Variants in HHAT observed in about 807,000 individuals in gnomAD.
The protein encoded by HHAT is hedgehog acyltransferase, also known as protein-cysteine N-palmitoyltransferase HHAT.
HHAT carries 47 observed loss-of-function variants against 70.8 expected under a neutral mutation model. The observed-to-expected ratio is 0.66, with a 90% CI of 0.53 to 0.85. HHAT has a LOEUF of 0.85. Ranked by LOEUF, HHAT falls within the 40% of genes least tolerant of loss-of-function variation. The pLI is 0.00. For missense variants in HHAT, 609 were observed against 604.8 expected (o/e 1.01, Z -0.07); for synonymous variants, 228 against 247.6 (o/e 0.92, Z 0.74).
At chr1:210,396,503 G>A (rs1207605274) in intron 4 of HHAT, among the ~76,000 whole-genome samples, 1 of 152,216 alleles carries the variant, frequency 6.6e-6, no homozygotes. Context: ...AAAGTATAAT[G>A]CTACAGCCAT....
chr1:210,553,986 C>T (rs561559613), intron 9 of HHAT, among the ~76,000 whole-genome samples: 7 of 152,210 alleles, frequency 4.6e-5, no homozygotes, highest in South Asian at 4.1e-4. Context: ...ATTTTTATTG[C>T]GAACTTAAAG....
intron 1 of HHAT, among the ~76,000 whole-genome samples, chr1:210,330,705 A>G (rs1409144045): frequency 6.6e-6 from 1 of 152,194 alleles, no homozygotes; most frequent in Non-Finnish European, 1.5e-5. Flanking sequence ...AATGTTCCCT[A>G]AAGCAGTGGT....
intron 11 of HHAT, among the ~76,000 whole-genome samples, chr1:210,648,647 G>A (rs1674541737): frequency 7.3e-6 from 1 of 136,374 alleles, no homozygotes; most frequent in Admixed American, 7.5e-5. Flanking sequence ...TACTGTTAAA[G>A]CCCCACAAGC....
intron 8 of HHAT, among the ~76,000 whole-genome samples, chr1:210,497,019 C>T (rs1010656932): frequency 6.6e-6 from 1 of 152,178 alleles, no homozygotes; most frequent in Non-Finnish European, 1.5e-5. Flanking sequence ...GAATATGTTA[C>T]AGGGGTTTGT....
intron 11 of HHAT, among the ~76,000 whole-genome samples, chr1:210,642,632 C>T (rs1673192798): frequency 6.6e-6 from 1 of 152,168 alleles, no homozygotes; most frequent in Non-Finnish European, 1.5e-5. Context: ...GTTTATTAGC[C>T]ATCTGTATAC....
chr1:210,459,195 C>T (rs2148421455), intron 7 of HHAT, among the ~76,000 whole-genome samples: 1 of 152,248 alleles, frequency 6.6e-6, no homozygotes, highest in Non-Finnish European at 1.5e-5. Flanking sequence ...GTTCTTGATA[C>T]TGGGAATACA....
At chr1:210,376,014 ATTTTTTTT>A (rs57707354) in intron 3 of HHAT, among the ~76,000 whole-genome samples, 6 of 108,908 alleles carry the variant, frequency 5.5e-5, no homozygotes, top group East Asian at 2.6e-4. Context: ...TGCACAGCTA[ATTTTTTTT>A]TTTTTTTTTT....
intron 2 of HHAT, among the ~76,000 whole-genome samples, chr1:210,357,821 AAAAAT>A (rs1183366543): frequency 6.6e-6 from 1 of 152,214 alleles, no homozygotes; most frequent in Non-Finnish European, 1.5e-5. Context: ...CTCCATCTCA[AAAAAT>A]AAAATAAAAT....
chr1:210,458,753 T>G (rs1461294359), intron 7 of HHAT, among the ~76,000 whole-genome samples: 1 of 152,178 alleles, frequency 6.6e-6, no homozygotes, highest in Non-Finnish European at 1.5e-5. Context: ...TCCCTCCACC[T>G]TTCAGCGTGA....
chr1:210,593,618 C>T (rs1413740404), intron 10 of HHAT, among the ~76,000 whole-genome samples: 1 of 152,014 alleles, frequency 6.6e-6, no homozygotes, highest in East Asian at 1.9e-4. Flanking sequence ...AAGATCCATA[C>T]GTGGAGGAGA....
At chr1:210,412,712 A>T (rs7530422) in intron 6 of HHAT, among the ~76,000 whole-genome samples, 1 of 152,024 alleles carries the variant, frequency 6.6e-6, no homozygotes, top group Non-Finnish European at 1.5e-5. Context: ...GGAGGGGGTT[A>T]TGCCTCCTGC....
chr1:210,400,722 T>G (rs1180583589), intron 5 of HHAT, 60 bp downstream of exon 5: 1 of 1,486,014 alleles, frequency 6.7e-7, no homozygotes, highest in Non-Finnish European at 9.2e-7. Flanking sequence ...TTTGCCTTGA[T>G]CCCAGTAGAC....
intron 2 of HHAT, among the ~76,000 whole-genome samples, chr1:210,353,880 C>G: frequency 6.6e-6 from 1 of 152,024 alleles, no homozygotes; most frequent in East Asian, 1.9e-4. Flanking sequence ...TTGGTCTGTT[C>G]CTTTTTATTT....
chr1:210,630,796 C>G (rs1368240829), intron 11 of HHAT, among the ~76,000 whole-genome samples: 2 of 152,170 alleles, frequency 1.3e-5, no homozygotes, highest in African/African-American at 4.8e-5. Context: ...CAGAAGCAAT[C>G]TCTCCTTTGG....
At chr1:210,388,379 T>C (rs2091232201) in intron 4 of HHAT, among the ~76,000 whole-genome samples, 1 of 152,120 alleles carries the variant, frequency 6.6e-6, no homozygotes, top group South Asian at 2.1e-4. Context: ...CCTCTGGAGA[T>C]TGAGACCAGA....
chr1:210,567,102 C>G (rs1242412017), intron 9 of HHAT, among the ~76,000 whole-genome samples: 2 of 152,316 alleles, frequency 1.3e-5, no homozygotes, highest in Middle Eastern at 3.4e-3. Context: ...GGCAACCAAA[C>G]AGAGGATGCA....
chr1:210,465,316 CTT>C (rs1437437606), intron 8 of HHAT, among the ~76,000 whole-genome samples: 1 of 152,136 alleles, frequency 6.6e-6, no homozygotes, highest in Non-Finnish European at 1.5e-5. Context: ...TGTGGAGTCT[CTT>C]TTCCTTAGTC....
intron 10 of HHAT, among the ~76,000 whole-genome samples, chr1:210,603,001 T>G (rs1664621525): frequency 6.6e-6 from 1 of 152,208 alleles, no homozygotes; most frequent in South Asian, 2.1e-4. Context: ...TTTTTAACTT[T>G]CCATGACTGA....
At chr1:210,405,427 A>T (rs78267548) in intron 6 of HHAT, among the ~76,000 whole-genome samples, 2 of 152,288 alleles carry the variant, frequency 1.3e-5, no homozygotes, top group East Asian at 3.9e-4. Context: ...AAAATGCCTA[A>T]AACAGTGTTC....
Sources: allele counts gnomAD v4.1 joint callset (sites outside exome capture counted in the v4.1 genomes callset), GRCh38; gene constraint gnomAD v4.1.1; transcripts MANE v1.5; gene names NCBI Gene and HGNC (gene_info 2026-07-23, HGNC 2026-07-21).